The following RXFP2 variants were observed in gnomAD, a reference collection of about 807,000 sequenced individuals.
RXFP2 encodes relaxin family peptide receptor 2, also known as relaxin receptor 2.
In RXFP2, 68 loss-of-function variants were observed where a neutral mutation model predicts 88.6. The ratio of observed to expected loss-of-function variants is 0.77; its 90% CI spans 0.63 to 0.94. RXFP2 has a LOEUF of 0.94. Ranked by LOEUF, RXFP2 falls within the 40% of genes least tolerant of loss-of-function variation. The probability of loss-of-function intolerance (pLI) is 0.00; values close to 1 mark genes in which losing one functional copy is unlikely to be tolerated. For synonymous variants in RXFP2, 329 were observed against 306.8 expected (o/e 1.07, Z -0.76); for missense variants, 791 against 893.9 (o/e 0.88, Z 1.47).
intron 1 of RXFP2, among the ~76,000 whole-genome samples, chr13:31,747,732 G>A (rs1027351400): frequency 6.6e-6 from 1 of 152,284 alleles, no homozygotes; most frequent in Non-Finnish European, 1.5e-5. Context: ...AATTTATTTT[G>A]CACCAGCTTA....
chr13:31,752,966 G>A lies in RXFP2; in HGVS notation c.95-5292G>A, dbSNP rs1050884784. Among the ~76,000 whole-genome samples the A allele has an allele frequency of 2.0e-5, 3 of 152,284 alleles. No homozygotes were observed. The South Asian group carries it at 6.2e-4, about 32-fold the overall frequency. ...TTGGCTCTTTGGAACAGATGGCAAG[G>A]CTTGCCGGCAATTTCTATAGCCCCT... On this transcript the variant is annotated intron_variant, in intron 1 of 17. Transcript: ENST00000298386.
At chr13:31,752,837 G>A (rs1593447437) in intron 1 of RXFP2, among the ~76,000 whole-genome samples, 1 of 152,184 alleles carries the variant, frequency 6.6e-6, no homozygotes, top group African/African-American at 2.4e-5. Flanking sequence ...GGTAGTGATG[G>A]ACGCTGTCTG....
At chr13:31,755,493 T>C (rs1383344961) in intron 1 of RXFP2, among the ~76,000 whole-genome samples, 4 of 151,908 alleles carry the variant, frequency 2.6e-5, no homozygotes, top group Non-Finnish European at 5.9e-5. Flanking sequence ...GCTGGGTGCA[T>C]GCTGGATTGT....
intron 7 of RXFP2, among the ~76,000 whole-genome samples, chr13:31,776,765 T>C (rs942812449): frequency 3.8e-4 from 58 of 152,246 alleles, no homozygotes; most frequent in African/African-American, 1.2e-3. Context: ...AAACACAACC[T>C]GGCTTCACAG....
chr13:31,780,477 T>C (rs1383387034), intron 9 of RXFP2, among the ~76,000 whole-genome samples: 1 of 152,216 alleles, frequency 6.6e-6, no homozygotes, highest in Non-Finnish European at 1.5e-5. Context: ...CAGTATATTG[T>C]GTGAAAAATG....
chr13:31,781,726 G>A lies in RXFP2; in HGVS notation c.841G>A (p.Asp281Asn), dbSNP rs201792081. ...CACAAATTCTACGTTTCTGTCGTGCGATTCGCTCACAGTGCTGTAAGTATA... is the reference window on the plus strand; with the variant it reads ...CACAAATTCTACGTTTCTGTCGTGCAATTCGCTCACAGTGCTGTAAGTATA... ...YLTNSTFLSC[D>N]SLTVLFLPRN... The change falls in exon 10 of 18, where the codon GAT (aspartate) becomes AAT (asparagine). Residue 281 changes from aspartate (D) to asparagine (N), a missense_variant. Coordinates refer to ENST00000298386, the MANE Select transcript of RXFP2 (RefSeq NM_130806.5). The A allele has an allele frequency of 3.7e-5, 60 of 1,611,098 alleles. 1 individual carries two copies. In the African/African-American group the frequency reaches 4.8e-4, roughly 13 times the overall value.
At chr13:31,797,125 A>G in intron 16 of RXFP2, 76 bp from the exon 17 acceptor site, 1 of 1,020,370 alleles carries the variant, frequency 9.8e-7, no homozygotes, top group Non-Finnish European at 1.6e-6. Context: ...TGGGTAAGGG[A>G]TACTCAACCT....
chr13:31,782,509 G>A (rs778891335), intron 10 of RXFP2, among the ~76,000 whole-genome samples, 167 bp from the exon 11 acceptor site: 1 of 152,182 alleles, frequency 6.6e-6, no homozygotes, highest in Non-Finnish European at 1.5e-5. Flanking sequence ...ACATGGGGAT[G>A]TCCACGGTGA....
intron 3 of RXFP2, 143 bp downstream of exon 3, chr13:31,761,944 T>C (rs1382684537): frequency 1.6e-6 from 1 of 634,874 alleles, no homozygotes; most frequent in Non-Finnish European, 2.9e-6. Context: ...AGGTCTGCTG[T>C]CTGCCTGTGA....
At chr13:31,776,970 C>A (rs1470198562) in intron 7 of RXFP2, among the ~76,000 whole-genome samples, 2 of 152,242 alleles carry the variant, frequency 1.3e-5, no homozygotes, top group East Asian at 3.9e-4. Context: ...GACCAAAGAA[C>A]CCTCTGTGAT....
chr13:31,762,894 T>A (rs551592371), intron 3 of RXFP2, among the ~76,000 whole-genome samples: 3 of 152,130 alleles, frequency 2.0e-5, no homozygotes, highest in African/African-American at 7.2e-5. Flanking sequence ...GAAATCATCA[T>A]AGTTTTGGGC....
rs1290142359 is a variant in RXFP2, at chr13:31,778,498, T to G, written c.714-14T>G. ...TATCATTTTATTTCTAATTAACATT[T>G]TCTTTGTGTAAAGGTCTATGGTTAA... On this transcript the variant is annotated splice_polypyrimidine_tract_variant and intron_variant, in intron 8 of 17. Coordinates refer to ENST00000298386, the MANE Select transcript of RXFP2 (RefSeq NM_130806.5). The G allele has an allele frequency of 6.4e-6, 10 of 1,569,616 alleles. No individual in the cohort carries two copies. Among genetic ancestry groups the G allele is most frequent in the Non-Finnish European group, 7.9e-6 (9 of 1,140,306 alleles).
intron 17 of RXFP2, among the ~76,000 whole-genome samples, chr13:31,799,757 C>T (rs1874241630): frequency 6.6e-6 from 1 of 152,176 alleles, no homozygotes; most frequent in South Asian, 2.1e-4. Flanking sequence ...TGTATGAGGC[C>T]ACTAGGACTG....
chr13:31,781,076 A>G lies in RXFP2; in HGVS notation c.786-595A>G, dbSNP rs560225624. On this transcript the variant is annotated intron_variant, in intron 9 of 17. Coordinates refer to ENST00000298386, the MANE Select transcript of RXFP2 (RefSeq NM_130806.5). ...CCTGTCTCTGGTGTTCAGTATGTGC[A>G]GGATAACTTTGGCCTGAGATTCTCC... is the stretch of plus-strand genomic sequence containing the variant. 2.6e-5 allele frequency among the ~76,000 whole-genome samples: 4 copies of G among 152,358 alleles called. No homozygotes were observed. In the East Asian group the frequency reaches 5.8e-4, roughly 22 times the overall value.
At position 31,747,990 on chromosome 13, in the gene RXFP2, A is replaced by G. The variant is rs572867495; in HGVS notation, c.94+8284A>G. On this transcript the variant is annotated intron_variant, in intron 1 of 17. Coordinates refer to ENST00000298386, the MANE Select transcript of RXFP2 (RefSeq NM_130806.5). ...AAAGAATGTTTTCCTAACTGAATAC[A>G]AGATAATTGTAAAAAGTGAAGGAGA... Among the ~76,000 whole-genome samples, 4 of 152,340 alleles carry G rather than the reference A, an allele frequency of 2.6e-5. No individual in the cohort carries two copies. In the South Asian group the frequency reaches 6.2e-4, roughly 24 times the overall value.
At chr13:31,759,419 A>AAGAG (rs1566218524) in intron 2 of RXFP2, among the ~76,000 whole-genome samples, 1 of 150,670 alleles carries the variant, frequency 6.6e-6, no homozygotes, top group African/African-American at 2.5e-5. Flanking sequence ...GAAAGAAAGA[A>AAGAG]AGAAAGAAAG....
At chr13:31,761,389 A>T (rs9576929) in intron 2 of RXFP2, among the ~76,000 whole-genome samples, 42,958 of 152,144 alleles carry the variant, frequency 0.28, 6,171 homozygotes, top group East Asian at 0.43. Context: ...CAAAATTCAG[A>T]TATTTTCTTC....
intron 1 of RXFP2, 93 bp from the exon 2 acceptor site, chr13:31,758,165 T>C (rs1467332953): frequency 1.6e-6 from 2 of 1,258,950 alleles, no homozygotes; most frequent in African/African-American, 1.5e-5. Flanking sequence ...CCAGATGAAC[T>C]CAACTCATAT....
intron 5 of RXFP2, among the ~76,000 whole-genome samples, chr13:31,766,574 C>A (rs1256108927): frequency 6.6e-6 from 1 of 152,062 alleles, no homozygotes; most frequent in Non-Finnish European, 1.5e-5. Context: ...CCAGAATCAT[C>A]CAAGAAAGAA....
Sources: gnomAD v4.1 joint callset for allele counts (sites outside exome capture counted in the v4.1 genomes callset) on GRCh38, gnomAD v4.1.1 for gene constraint, MANE v1.5 for transcripts, NCBI Gene and HGNC (gene_info 2026-07-23, HGNC 2026-07-21) for gene names.